The following OPCML variants were observed in gnomAD, a reference collection of about 807,000 sequenced individuals.
OPCML encodes opioid binding protein/cell adhesion molecule like.
OPCML carries 13 observed loss-of-function variants against 37.8 expected under a neutral mutation model. That is an observed-to-expected ratio of 0.34 (90% confidence interval 0.22 to 0.55). The LOEUF (loss-of-function observed/expected upper bound fraction) is 0.55. Ranked by LOEUF, OPCML falls within the 20% of genes least tolerant of loss-of-function variation. The probability of loss-of-function intolerance (pLI) is 0.91; values close to 1 mark genes in which losing one functional copy is unlikely to be tolerated. For synonymous variants in OPCML, 176 were observed against 168.8 expected (o/e 1.04, Z -0.33); for missense variants, 341 against 435.6 (o/e 0.78, Z 1.93).
At chr11:132,715,898 G>A (rs1591507173) in intron 2 of OPCML, among the ~76,000 whole-genome samples, 1 of 152,266 alleles carries the variant, frequency 6.6e-6, no homozygotes, top group East Asian at 1.9e-4. Flanking sequence ...AGAAGCATGT[G>A]AAGTGGATGA....
At chr11:132,743,130 T>C (rs2136044054) in intron 2 of OPCML, among the ~76,000 whole-genome samples, 1 of 152,296 alleles carries the variant, frequency 6.6e-6, no homozygotes, top group Admixed American at 6.5e-5. Context: ...GTCATGCTCG[T>C]GAATGGACTT....
intron 4 of OPCML, among the ~76,000 whole-genome samples, chr11:132,521,286 C>T (rs1465119778): frequency 6.6e-6 from 1 of 152,054 alleles, no homozygotes; most frequent in Non-Finnish European, 1.5e-5. Context: ...TGATCTTTGT[C>T]AGATGAGTAG....
At chr11:133,446,527 G>A (rs756409073) in intron 1 of OPCML, among the ~76,000 whole-genome samples, 13 of 151,998 alleles carry the variant, frequency 8.6e-5, no homozygotes, top group Non-Finnish European at 1.5e-4. Context: ...TGGGCTCAAG[G>A]GATCCTCCCA....
intron 1 of OPCML, among the ~76,000 whole-genome samples, chr11:133,094,766 A>C (rs540523761): frequency 5.9e-5 from 9 of 152,188 alleles, no homozygotes; most frequent in Non-Finnish European, 1.0e-4. Flanking sequence ...CACCTGCATT[A>C]AAGTTCTCTT....
chr11:132,551,743 C>T (rs887177970), intron 3 of OPCML, among the ~76,000 whole-genome samples: 5 of 152,184 alleles, frequency 3.3e-5, no homozygotes, highest in Admixed American at 6.5e-5. Context: ...TCTCAACTCA[C>T]TGGCCTTCTC....
intron 1 of OPCML, among the ~76,000 whole-genome samples, chr11:133,134,668 T>G (rs916868933): frequency 6.6e-6 from 1 of 152,178 alleles, no homozygotes. Flanking sequence ...CTGTCTTCCT[T>G]GCTCCAAGGG....
Position 132,499,327 on chromosome 11 carries a change from C to A in OPCML, c.505+29734G>T, listed in dbSNP as rs1030982746. 3.3e-5 allele frequency among the ~76,000 whole-genome samples: 5 copies of A among 152,332 alleles called. No homozygotes were observed. The Middle Eastern group carries it at 0.014, about 415-fold the overall frequency. ...CCAAGAGCAGCAGAGCTGGGCATGG[C>A]TGCTCATGCCTGTTACGCTGCCTCC... On this transcript the variant is annotated intron_variant, in intron 4 of 7. Transcript: ENST00000524381.
chr11:133,485,606 G>A (rs1591552825), intron 1 of OPCML, among the ~76,000 whole-genome samples: 1 of 152,114 alleles, frequency 6.6e-6, no homozygotes, highest in Non-Finnish European at 1.5e-5. Context: ...AATAAGACCT[G>A]CATTACCACA....
At chr11:132,844,287 G>T (rs773743224) in intron 2 of OPCML, among the ~76,000 whole-genome samples, 1 of 152,198 alleles carries the variant, frequency 6.6e-6, no homozygotes, top group Non-Finnish European at 1.5e-5. Context: ...AGAAAAAGGA[G>T]AAGGAATCAT....
At position 132,433,353 on chromosome 11, in the gene OPCML, C is replaced by T. The variant is rs75029724; in HGVS notation, c.916+2733G>A. On this transcript the variant is annotated intron_variant, in intron 7 of 7. Transcript: ENST00000524381. ...GTCAGAAAATATCACCCTACTTAGC[C>T]GAGTGGACTCAGGCCTGTGGTTTTT... is the stretch of plus-strand genomic sequence containing the variant. Among the ~76,000 whole-genome samples the T allele has an allele frequency of 7.7e-4, 118 of 152,280 alleles. No homozygotes were observed. In the East Asian group the frequency reaches 0.022, roughly 28 times the overall value.
chr11:132,469,861 G>C (rs1465347468), intron 4 of OPCML, among the ~76,000 whole-genome samples: 1 of 122,208 alleles, frequency 8.2e-6, no homozygotes, highest in African/African-American at 3.0e-5. Context: ...GTATGTATGT[G>C]TGGGGGTGTG....
chr11:132,841,234 T>C (rs957374484), intron 2 of OPCML, among the ~76,000 whole-genome samples: 1 of 152,206 alleles, frequency 6.6e-6, no homozygotes, highest in African/African-American at 2.4e-5. Context: ...GCCGCACTCT[T>C]GTCCTTTTTG....
intron 2 of OPCML, among the ~76,000 whole-genome samples, chr11:132,905,224 T>C (rs967541455): frequency 2.3e-5 from 3 of 130,184 alleles, no homozygotes; most frequent in Non-Finnish European, 5.0e-5. Flanking sequence ...AGAAAGCAGT[T>C]CTTTTTTTTT....
chr11:132,502,352 C>T (rs1450774358), intron 4 of OPCML, among the ~76,000 whole-genome samples: 1 of 152,106 alleles, frequency 6.6e-6, no homozygotes, highest in African/African-American at 2.4e-5. Context: ...CCTTCTTCAC[C>T]CTTGCATCCT....
chr11:132,648,552 C>T (rs1397236135), intron 3 of OPCML, among the ~76,000 whole-genome samples: 1 of 148,816 alleles, frequency 6.7e-6, no homozygotes, highest in Non-Finnish European at 1.5e-5. Context: ...CAGAGTCTTG[C>T]TCTGTCACCC....
At chr11:133,423,358 G>C (rs1945932957) in intron 1 of OPCML, 11 of 985,294 alleles carry the variant, frequency 1.1e-5, no homozygotes, top group Non-Finnish European at 1.3e-5. Flanking sequence ...GCTAGCTGCA[G>C]ATAACTGAGA....
chr11:132,943,169 G>A lies in OPCML; in HGVS notation c.62-159C>T. On this transcript the variant is annotated intron_variant, in intron 1 of 7. Transcript: ENST00000524381. The surrounding 1 kb of genome is among the most constrained non-coding windows in gnomAD (Gnocchi z 4.3). ...CCCGCCCCGCGCACCAGCGGGCTCG[G>A]GAAGCGGTGCGGGGAGGAGGGAAGG... 1 of 1,598,026 alleles carries A rather than the reference G, an allele frequency of 6.3e-7. No individual in the cohort carries two copies. Among genetic ancestry groups the A allele is most frequent in the Middle Eastern group, 1.7e-4 (1 of 5,998 alleles).
chr11:133,449,847 G>A (rs895946672), intron 1 of OPCML, among the ~76,000 whole-genome samples: 11 of 151,602 alleles, frequency 7.3e-5, no homozygotes, highest in African/African-American at 2.2e-4. Flanking sequence ...TTGTCGGGGG[G>A]CCACAATTCA....
rs1038458150 is a variant in OPCML at position 133,138,426 on chromosome 11, C to T, written c.62-195416G>A. Among the ~76,000 whole-genome samples the T allele has an allele frequency of 9.2e-5, 14 of 152,188 alleles. 1 individual carries two copies. In the East Asian group the frequency reaches 2.3e-3, roughly 25 times the overall value. Reference sequence around the variant, plus strand: ...GTAACCATATGGGGAAAGGAGCATACGTAGAAACCTATTGCCCTCCTCCTC... The same window carrying T: ...GTAACCATATGGGGAAAGGAGCATATGTAGAAACCTATTGCCCTCCTCCTC... On this transcript the variant is annotated intron_variant, in intron 1 of 7. Coordinates refer to ENST00000524381, the MANE Select transcript of OPCML (RefSeq NM_001012393.5).
Sources: gnomAD v4.1 joint callset for allele counts (sites outside exome capture counted in the v4.1 genomes callset) on GRCh38, gnomAD v4.1.1 for gene constraint, Gnocchi (gnomAD v3.1) non-coding constraint, MANE v1.5 for transcripts, NCBI Gene and HGNC (gene_info 2026-07-23, HGNC 2026-07-21) for gene names.